Variants in INPP5D observed in about 807,000 individuals in gnomAD.
INPP5D encodes phosphatidylinositol 3,4,5-trisphosphate 5-phosphatase 1.
In INPP5D, 33 loss-of-function variants were observed where a neutral mutation model predicts 122.9. The observed-to-expected ratio is 0.27, with a 90% CI of 0.20 to 0.36. The LOEUF (loss-of-function observed/expected upper bound fraction) is 0.36, where lower values mean the gene tolerates loss of function less well. Among genes scored for constraint, INPP5D ranks in the 10% least tolerant of loss-of-function variants. The probability of loss-of-function intolerance (pLI) is 1.00; values close to 1 mark genes in which losing one functional copy is unlikely to be tolerated. For missense variants in INPP5D, 1,053 were observed against 1,412.7 expected, an observed-to-expected ratio of 0.75 and a Z score of 4.08; for synonymous variants, 584 against 576.2, an observed-to-expected ratio of 1.01 and a Z score of -0.19.
At chr2:233,182,888 G>A (rs1209239140) in intron 19 of INPP5D, among the ~76,000 whole-genome samples, 1 of 152,044 alleles carries the variant, frequency 6.6e-6, no homozygotes, top group Non-Finnish European at 1.5e-5. Context: ...TCTGTTTAAG[G>A]CAAGCACCAT....
chr2:233,147,929 G>A (rs1693811474), intron 9 of INPP5D, among the ~76,000 whole-genome samples: 1 of 152,258 alleles, frequency 6.6e-6, no homozygotes, highest in Admixed American at 6.5e-5. Flanking sequence ...CTGCCACTTA[G>A]CAGCTGTGTG....
rs761604722 is a variant in INPP5D at position 233,206,682 on chromosome 2, A to G, written c.3568-24A>G. On this transcript the variant is annotated intron_variant, in intron 26 of 26. Transcript: ENST00000445964. The surrounding 1 kb of genome is among the most constrained non-coding windows in gnomAD (Gnocchi z 4.0). ...TGGCCTGGTGAGAATGAGCCCTGAC[A>G]GCCCTTCTGTTCTTGTCCCACAGTG... 2.2e-5 allele frequency: 17 copies of G among 772,276 alleles called. No individual in the cohort carries two copies. The highest frequency in any genetic ancestry group is 3.4e-5 in the African/African-American group (2 of 58,976). The allele number at this position is 772,276 out of a possible 1,614,324, so 47.8% of individuals were successfully genotyped here. A position where few individuals can be genotyped will look rare whatever the true frequency, so the allele number is the denominator to read the frequency against.
At chr2:233,174,201 AGTT>A (rs1467876262) in intron 17 of INPP5D, among the ~76,000 whole-genome samples, 3 of 152,262 alleles carry the variant, frequency 2.0e-5, no homozygotes, top group Admixed American at 6.5e-5. Flanking sequence ...AATGAGTGAC[AGTT>A]GTTTATCATT....
chr2:233,153,098 C>T (rs1044209069), intron 9 of INPP5D, among the ~76,000 whole-genome samples: 3 of 152,296 alleles, frequency 2.0e-5, no homozygotes, highest in East Asian at 1.9e-4. Context: ...ACGAGGGAAA[C>T]GGAACTTCTA....
At chr2:233,185,058 C>G (rs151110318) in intron 20 of INPP5D, among the ~76,000 whole-genome samples, 159 of 152,238 alleles carry the variant, frequency 1.0e-3, no homozygotes, top group Middle Eastern at 3.4e-3. Flanking sequence ...AGGAAACACC[C>G]TTTCCGGGTG....
intron 5 of INPP5D, among the ~76,000 whole-genome samples, chr2:233,138,084 G>A (rs980866443): frequency 2.0e-4 from 29 of 145,392 alleles, no homozygotes; most frequent in Non-Finnish European, 3.8e-4. Flanking sequence ...GGGCCTGGTG[G>A]CTCACGCCTC....
intron 25 of INPP5D, among the ~76,000 whole-genome samples, chr2:233,200,851 C>G (rs944208890): frequency 6.6e-6 from 1 of 152,002 alleles, no homozygotes; most frequent in Non-Finnish European, 1.5e-5. Context: ...CCCAGCTACT[C>G]AGGAGTCTCT....
chr2:233,093,682 C>CA (rs11443116), intron 2 of INPP5D, among the ~76,000 whole-genome samples: 20,804 of 85,600 alleles, frequency 0.24, 1,660 homozygotes, highest in East Asian at 0.44. Context: ...ACACTGTCTC[C>CA]AAAAAAAAAA....
intron 2 of INPP5D, among the ~76,000 whole-genome samples, chr2:233,116,334 G>A (rs182671437): frequency 2.0e-4 from 30 of 151,784 alleles, no homozygotes; most frequent in African/African-American, 7.3e-4. Context: ...CTGTTGCCCA[G>A]GCTGGAGTGC....
At chr2:233,151,352 G>A (rs1430332206) in intron 9 of INPP5D, among the ~76,000 whole-genome samples, 2 of 151,906 alleles carry the variant, frequency 1.3e-5, no homozygotes, top group Non-Finnish European at 2.9e-5. Flanking sequence ...CTATTTCAGA[G>A]CAGGTTTGTG....
At chr2:233,086,130 T>TTTCTTTCTTTCC (rs1559282242) in intron 2 of INPP5D, among the ~76,000 whole-genome samples, 8 of 112,096 alleles carry the variant, frequency 7.1e-5, no homozygotes, top group Non-Finnish European at 1.1e-4. Context: ...TCTTTCTTTC[T>TTTCTTTCTTTCC]TTCTTTCTTT....
At chr2:233,090,669 C>T (rs1374923599) in intron 2 of INPP5D, among the ~76,000 whole-genome samples, 1 of 152,092 alleles carries the variant, frequency 6.6e-6, no homozygotes, top group Non-Finnish European at 1.5e-5. Context: ...GATTCAAAGT[C>T]ACTTGGGGTC....
intron 21 of INPP5D, among the ~76,000 whole-genome samples, chr2:233,187,764 G>A (rs916849533): frequency 6.6e-6 from 1 of 152,134 alleles, no homozygotes; most frequent in Non-Finnish European, 1.5e-5. Context: ...CCTGAGTCGT[G>A]GGGGCTCTGG....
At chr2:233,061,446 A>G (rs889020211) in intron 1 of INPP5D, among the ~76,000 whole-genome samples, 1 of 151,904 alleles carries the variant, frequency 6.6e-6, no homozygotes, top group East Asian at 1.9e-4. Flanking sequence ...TGGTCTAATC[A>G]TTTTGCCGGG....
intron 5 of INPP5D, among the ~76,000 whole-genome samples, chr2:233,134,971 T>C (rs1288195146): frequency 1.7e-4 from 11 of 63,650 alleles, no homozygotes; most frequent in African/African-American, 4.0e-4. Context: ...CAAACCTAGA[T>C]GAGGAAATGT....
chr2:233,158,449 T>C (rs1694112884), intron 10 of INPP5D, 30 bp downstream of exon 10: 2 of 694,104 alleles, frequency 2.9e-6, no homozygotes, highest in African/African-American at 1.8e-5. Context: ...TAAAATGGGC[T>C]GTGAGGTAGG....
chr2:233,088,094 G>A (rs558450392), intron 2 of INPP5D, among the ~76,000 whole-genome samples: 1 of 152,220 alleles, frequency 6.6e-6, no homozygotes, highest in African/African-American at 2.4e-5. Context: ...TCCTGCCTCA[G>A]CCTTCCAAGT....
At chr2:233,091,077 T>G (rs1691979839) in intron 2 of INPP5D, among the ~76,000 whole-genome samples, 1 of 152,132 alleles carries the variant, frequency 6.6e-6, no homozygotes, top group Non-Finnish European at 1.5e-5. Flanking sequence ...GGGGAGATAC[T>G]TACTCTTATG....
At chr2:233,083,258 G>A (rs1329316242) in intron 2 of INPP5D, among the ~76,000 whole-genome samples, 1 of 152,196 alleles carries the variant, frequency 6.6e-6, no homozygotes, top group Non-Finnish European at 1.5e-5. Context: ...AGGTGCTTTA[G>A]AGCATTCTAG....
Sources: gnomAD v4.1 joint callset for allele counts (sites outside exome capture counted in the v4.1 genomes callset) on GRCh38, gnomAD v4.1.1 for gene constraint, Gnocchi (gnomAD v3.1) non-coding constraint, MANE v1.5 for transcripts, NCBI Gene and HGNC (gene_info 2026-07-23, HGNC 2026-07-21) for gene names.